ALK: variants seen among roughly 807,000 people sequenced by gnomAD.
ALK encodes the protein ALK receptor tyrosine kinase.
Under a neutral mutation model 163.1 loss-of-function variants are expected in ALK, and 74 were observed. The ratio of observed to expected loss-of-function variants is 0.45; its 90% CI spans 0.38 to 0.55. The LOEUF (loss-of-function observed/expected upper bound fraction) is 0.55, where lower values mean the gene tolerates loss of function less well. Ranked by LOEUF, ALK falls within the 20% of genes least tolerant of loss-of-function variation. ALK has a pLI of 0.00. For missense variants in ALK, 2,063 were observed against 2,105.3 expected, an observed-to-expected ratio of 0.98 and a Z score of 0.39; for synonymous variants, 960 against 843.2, an observed-to-expected ratio of 1.14 and a Z score of -2.40.
At chr2:29,782,833 C>T (rs1280926239) in intron 1 of ALK, among the ~76,000 whole-genome samples, 6 of 152,158 alleles carry the variant, frequency 3.9e-5, no homozygotes, top group Admixed American at 3.9e-4. Flanking sequence ...AGAGTATAGA[C>T]AAATGAGCCT....
Position 29,621,506 on chromosome 2 carries a change from C to A in ALK, c.952+73344G>T, listed in dbSNP as rs575163676. Among the ~76,000 whole-genome samples the A allele has an allele frequency of 2.0e-5, 3 of 152,260 alleles. No individual in the cohort carries two copies. In the South Asian group the frequency reaches 6.2e-4, roughly 32 times the overall value. ...TATCCCAGGACACTGATTTCACACT[C>A]CATGTAGAAGGCAAGATGAAGGAGG... On this transcript the variant is annotated intron_variant, in intron 3 of 28. Coordinates refer to ENST00000389048, the MANE Select transcript of ALK (RefSeq NM_004304.5).
intron 3 of ALK, among the ~76,000 whole-genome samples, chr2:29,606,905 C>G (rs1302290871): frequency 6.6e-6 from 1 of 152,230 alleles, no homozygotes; most frequent in Non-Finnish European, 1.5e-5. Context: ...AATCCTCACA[C>G]TAGTTGCCCC....
At chr2:29,269,664 C>T (rs186796155) in intron 11 of ALK, among the ~76,000 whole-genome samples, 4 of 152,208 alleles carry the variant, frequency 2.6e-5, no homozygotes, top group Admixed American at 6.5e-5. Flanking sequence ...CTAAAATTAG[C>T]GAGATAATCT....
At chr2:29,817,028 C>A (rs1470896896) in intron 1 of ALK, among the ~76,000 whole-genome samples, 1 of 152,026 alleles carries the variant, frequency 6.6e-6, no homozygotes. Flanking sequence ...CACAACAACC[C>A]TAGGAGGTAG....
At chr2:29,790,147 T>C (rs1664153013) in intron 1 of ALK, among the ~76,000 whole-genome samples, 1 of 152,124 alleles carries the variant, frequency 6.6e-6, no homozygotes, top group African/African-American at 2.4e-5. Context: ...CTCTAATGTA[T>C]GCAGCTAAAG....
At chr2:29,697,363 A>G (rs1468640594) in intron 2 of ALK, among the ~76,000 whole-genome samples, 9 of 152,154 alleles carry the variant, frequency 5.9e-5, no homozygotes, top group Non-Finnish European at 1.2e-4. Context: ...GAGAGGCAGG[A>G]AGGGCCCATG....
chr2:29,338,353 T>G (rs1667687571), intron 5 of ALK, among the ~76,000 whole-genome samples: 1 of 152,246 alleles, frequency 6.6e-6, no homozygotes, highest in Non-Finnish European at 1.5e-5. Context: ...AGCTCCTTTT[T>G]GGTCCTAATC....
At chr2:29,211,946 C>A (rs555910855) in intron 24 of ALK, among the ~76,000 whole-genome samples, 1 of 152,220 alleles carries the variant, frequency 6.6e-6, no homozygotes, top group Non-Finnish European at 1.5e-5. Flanking sequence ...TGACAGGAGT[C>A]TTGAGGGAAT....
At chr2:29,197,046 A>G (rs1246046975) in intron 27 of ALK, among the ~76,000 whole-genome samples, 186 bp from the exon 28 acceptor site, 1 of 152,182 alleles carries the variant, frequency 6.6e-6, no homozygotes, top group Non-Finnish European at 1.5e-5. Context: ...GGTATCTAAC[A>G]CAGACATCCT....
chr2:29,358,809 C>T (rs1045812728), intron 5 of ALK, among the ~76,000 whole-genome samples: 1 of 152,182 alleles, frequency 6.6e-6, no homozygotes, highest in African/African-American at 2.4e-5. Context: ...CATGAGGGTA[C>T]TTAATTTCCT....
intron 3 of ALK, among the ~76,000 whole-genome samples, chr2:29,535,021 A>G (rs1398893672): frequency 3.9e-5 from 6 of 152,254 alleles, no homozygotes; most frequent in Non-Finnish European, 8.8e-5. Flanking sequence ...GGGAAAAAAT[A>G]CATTTCATAA....
At chr2:29,511,160 G>C (rs1384366491) in intron 4 of ALK, among the ~76,000 whole-genome samples, 2 of 152,078 alleles carry the variant, frequency 1.3e-5, no homozygotes, top group African/African-American at 4.8e-5. Context: ...TCCATTTAAA[G>C]TGTACAGGTT....
chr2:29,264,965 C>T (rs1027651751), intron 11 of ALK, among the ~76,000 whole-genome samples: 2 of 152,094 alleles, frequency 1.3e-5, no homozygotes, highest in African/African-American at 4.8e-5. Flanking sequence ...AGCCCACACT[C>T]ATACATGCAT....
intron 4 of ALK, among the ~76,000 whole-genome samples, chr2:29,516,933 A>G (rs1480554579): frequency 1.3e-5 from 2 of 152,240 alleles, no homozygotes; most frequent in Non-Finnish European, 2.9e-5. Flanking sequence ...GCCTGGCACA[A>G]AATACATCAG....
chr2:29,345,477 C>A (rs1473749224), intron 5 of ALK, among the ~76,000 whole-genome samples: 1 of 151,602 alleles, frequency 6.6e-6, no homozygotes, highest in Admixed American at 6.6e-5. Context: ...TCAGTCCTAG[C>A]AAGGATGTAG....
intron 4 of ALK, among the ~76,000 whole-genome samples, chr2:29,436,779 T>C (rs1670410975): frequency 6.6e-6 from 1 of 152,228 alleles, no homozygotes; most frequent in Admixed American, 6.5e-5. Flanking sequence ...TAAACCTGCT[T>C]GATTAGCCAC....
chr2:29,574,827 G>C (rs1392988716), intron 3 of ALK, among the ~76,000 whole-genome samples: 1 of 152,178 alleles, frequency 6.6e-6, no homozygotes, highest in African/African-American at 2.4e-5. Context: ...CTGGAAAATG[G>C]GACGCAGCAC....
intron 5 of ALK, among the ~76,000 whole-genome samples, chr2:29,378,453 C>G (rs11694379): frequency 0.065 from 9,874 of 152,128 alleles, 363 homozygotes; most frequent in Middle Eastern, 0.11. Flanking sequence ...AGCCAGATGG[C>G]CTCCATTTCA....
At chr2:29,507,061 G>A (rs1672346879) in intron 4 of ALK, among the ~76,000 whole-genome samples, 1 of 152,112 alleles carries the variant, frequency 6.6e-6, no homozygotes, top group Non-Finnish European at 1.5e-5. Context: ...GTCTTGAAGA[G>A]GTATTTGCAC....
Sources: allele counts gnomAD v4.1 joint callset (sites outside exome capture counted in the v4.1 genomes callset), GRCh38; gene constraint gnomAD v4.1.1; transcripts MANE v1.5; gene names NCBI Gene and HGNC (gene_info 2026-07-23, HGNC 2026-07-21).